The following STK11 variants were observed in gnomAD, a reference collection of about 807,000 sequenced individuals.
STK11 encodes serine/threonine kinase 11, also known as serine/threonine-protein kinase STK11.
In STK11, 8 loss-of-function variants were observed where a neutral mutation model predicts 47.3. That is an observed-to-expected ratio of 0.17 (90% CI 0.10 to 0.31). STK11 has a LOEUF of 0.31. Ranked by LOEUF, STK11 falls within the 10% of genes least tolerant of loss-of-function variation. The probability of loss-of-function intolerance (pLI) is 1.00; values close to 1 mark genes in which losing one functional copy is unlikely to be tolerated. For synonymous variants in STK11, 330 were observed against 255.8 expected (o/e 1.29, Z -2.77); for missense variants, 475 against 605.0 (o/e 0.79, Z 2.25).
chr19:1,207,549 C>T (rs1002881960), intron 1 of STK11, among the ~76,000 whole-genome samples: 2 of 152,204 alleles, frequency 1.3e-5, no homozygotes, highest in South Asian at 2.1e-4. Context: ...GCAGAGGCGC[C>T]CAGTGGAATC....
At chr19:1,210,326 C>T (rs61612016) in intron 1 of STK11, among the ~76,000 whole-genome samples, 146 of 152,240 alleles carry the variant, frequency 9.6e-4, no homozygotes, top group African/African-American at 3.2e-3. Flanking sequence ...TAATAAACTC[C>T]GCTCAGATTG....
chr19:1,223,860 A>C (rs2080803245), intron 8 of STK11: 17 of 1,021,564 alleles, frequency 1.7e-5, no homozygotes, highest in Non-Finnish European at 2.0e-5. Flanking sequence ...CGTGTCATAA[A>C]GAGTTTTGCA....
chr19:1,218,259 C>A (rs2080757186), intron 1 of STK11, among the ~76,000 whole-genome samples, 158 bp from the exon 2 acceptor site: 1 of 152,170 alleles, frequency 6.6e-6, no homozygotes. Context: ...GTGGCCCCTG[C>A]AGGGCCCTTT....
At chr19:1,225,710 G>A in intron 8 of STK11, 3 of 985,604 alleles carry the variant, frequency 3.0e-6, no homozygotes, top group Non-Finnish European at 3.6e-6. Context: ...GGCAGCCCGG[G>A]GCGGCCTCCC....
chr19:1,226,176 C>T, intron 8 of STK11: 2 of 1,305,104 alleles, frequency 1.5e-6, no homozygotes, highest in Non-Finnish European at 2.0e-6. Context: ...GCAGTCAGTA[C>T]CTGGGTGGGG....
intron 2 of STK11, 116 bp from the exon 3 acceptor site, chr19:1,219,208 C>A (rs1168253745): frequency 7.1e-6 from 9 of 1,269,794 alleles, no homozygotes; most frequent in Non-Finnish European, 7.8e-6. Context: ...GGCCCTGGTC[C>A]CGAGGAGGGG....
chr19:1,220,167 C>T (rs1210325480), intron 3 of STK11: 7 of 584,380 alleles, frequency 1.2e-5, no homozygotes, highest in African/African-American at 7.6e-5. Flanking sequence ...CCCTGCCAGA[C>T]GTGGCTCGGC....
rs527412602 is a variant in STK11, at chr19:1,224,592, C to T, written c.1108+1420C>T. ...GACGTGGACCACACGCTGACCCCCA[C>T]GGCCGCCCCTGCAGGCCAGGATCCC... On this transcript the variant is annotated intron_variant, in intron 8 of 9. Transcript: ENST00000326873. 765 of 985,638 alleles carry T rather than the reference C, an allele frequency of 7.8e-4. 2 individuals carry two copies. Among genetic ancestry groups the T allele is most frequent in the Admixed American group, 1.2e-3 (19 of 16,288 alleles). The allele number at this position is 985,638 out of a possible 1,614,324, so 61.1% of individuals were successfully genotyped here.
chr19:1,224,200 AC>A (rs1420628885), intron 8 of STK11: 19 of 984,434 alleles, frequency 1.9e-5, no homozygotes, highest in Non-Finnish European at 1.9e-5. Flanking sequence ...CCCGGGGGGT[AC>A]AGTGTCTGGG....
intron 1 of STK11, 39 bp downstream of exon 1, chr19:1,207,242 A>G (rs1297742670): frequency 9.0e-6 from 14 of 1,559,410 alleles, no homozygotes; most frequent in South Asian, 1.2e-5. Flanking sequence ...GGGCCGGGCC[A>G]GTCACGGTGC....
Position 1,207,189 on chromosome 19 carries a change from G to C in STK11, c.276G>C (p.Glu92Asp), listed in dbSNP as rs1555735071. Reference protein sequence around the residue: ...KKKLRRIPNGEANVKKEIQLL... With the variant: ...KKKLRRIPNGDANVKKEIQLL... ...AGTTGCGAAGGATCCCCAACGGGGA[G>C]GCCAACGTGAAGAAGTAAGTATGGC... Residue 92 changes from glutamate to aspartate, a missense_variant, in exon 1 of 10, where the codon GAG (glutamate) becomes GAC (aspartate). Around this residue, in one of 5 missense-constraint regions of STK11, gnomAD observed 47 missense variants for 103.7 expected, o/e 0.45. Coordinates refer to ENST00000326873, the MANE Select transcript of STK11 (RefSeq NM_000455.5). The C allele has an allele frequency of 6.2e-7, 1 of 1,605,650 alleles. No individual in the cohort carries two copies. Among genetic ancestry groups the C allele is most frequent in the South Asian group, 1.1e-5 (1 of 89,868 alleles).
rs863224360 is a variant in STK11 at position 1,226,524 on chromosome 19, C to T, written c.1179C>T (p.Asn393=). ...GCCTCCCCAAGGCCGTGTGTATGAACGGCACAGAGGCGGCGCAGCTGAGCA... is the reference window on the plus strand; with the variant it reads ...GCCTCCCCAAGGCCGTGTGTATGAATGGCACAGAGGCGGCGCAGCTGAGCA... ...RRGLPKAVCM[N]GTEAAQLSTK... Residue 393 remains asparagine, a synonymous_variant, in exon 9 of 10, where the codon AAC becomes AAT. Transcript: ENST00000326873. 6.2e-6 allele frequency: 10 copies of T among 1,609,432 alleles called. No homozygotes were observed. Among genetic ancestry groups the T allele is most frequent in the Admixed American group, 5.0e-5 (3 of 59,664 alleles).
chr19:1,220,038 T>G, intron 3 of STK11: 1 of 294,688 alleles, frequency 3.4e-6, no homozygotes, highest in Non-Finnish European at 6.5e-6. Flanking sequence ...GGCCTCAGAG[T>G]CAGGGCCCCT....
In STK11 at chr19:1,228,059, C is replaced by CTT. The variant is rs903142806; in HGVS notation, c.*493_*494dup. The CTT allele has an allele frequency of 9.8e-5, 82 of 835,854 alleles. No individual in the cohort carries two copies. Among genetic ancestry groups the CTT allele is most frequent in the Non-Finnish European group, 1.1e-4 (76 of 682,376 alleles). 51.8% of individuals were successfully genotyped at this position (835,854 alleles called of 1,614,324 possible). ...TTGGTTGGTTCCATTTTCTTTTTTT[C>CTT]TTTTTTTTTTTAAGAAAAAATAAAA... On this transcript the variant is annotated 3_prime_UTR_variant, in exon 10 of 10. Transcript: ENST00000326873.
At chr19:1,226,016 T>TGAGCCTGGCCC (rs922040765) in intron 8 of STK11, 14 of 1,012,404 alleles carry the variant, frequency 1.4e-5, no homozygotes, top group African/African-American at 3.5e-5. Context: ...GTGCCTGGCC[T>TGAGCCTGGCCC]GAGCCTGGCC....
intron 1 of STK11, among the ~76,000 whole-genome samples, chr19:1,209,682 G>A (rs2080696180): frequency 6.6e-6 from 1 of 152,204 alleles, no homozygotes; most frequent in South Asian, 2.1e-4. Flanking sequence ...ACAGACGCTG[G>A]AGGGTGGAAG....
At chr19:1,207,510 G>GC (rs1383208006) in intron 1 of STK11, among the ~76,000 whole-genome samples, 1 of 152,188 alleles carries the variant, frequency 6.6e-6, no homozygotes, top group African/African-American at 2.4e-5. Flanking sequence ...CCTAAGACTA[G>GC]CCCCTTGGCT....
intron 8 of STK11, chr19:1,225,657 C>T (rs2080815683): frequency 8.1e-6 from 8 of 985,382 alleles, no homozygotes; most frequent in Non-Finnish European, 9.6e-6. Context: ...GCCACTGGTC[C>T]ATTCTCGGAG....
intron 1 of STK11, among the ~76,000 whole-genome samples, chr19:1,213,303 A>C (rs2145414563): frequency 6.6e-6 from 1 of 152,140 alleles, no homozygotes; most frequent in East Asian, 1.9e-4. Flanking sequence ...GGCAAAGTTC[A>C]CCTTTTTAAA....
Sources: gnomAD v4.1 joint callset for allele counts (sites outside exome capture counted in the v4.1 genomes callset) on GRCh38, gnomAD v4.1.1 for gene constraint, gnomAD v4.1.1 regional missense constraint, MANE v1.5 for transcripts, NCBI Gene and HGNC (gene_info 2026-07-23, HGNC 2026-07-21) for gene names.